ACAD10: variants seen among roughly 807,000 people sequenced by gnomAD.
The protein encoded by ACAD10 is ACAD-10.
ACAD10 carries 112 observed loss-of-function variants against 116.8 expected under a neutral mutation model. The ratio of observed to expected loss-of-function variants is 0.96; its 90% CI spans 0.82 to 1.12. ACAD10 has a LOEUF of 1.12. ACAD10 is among the 50% of genes most tolerant of loss of function. The pLI is 0.00. For missense variants in ACAD10, 1,259 were observed against 1,350.2 expected (o/e 0.93, Z 1.06); for synonymous variants, 486 against 510.6 (o/e 0.95, Z 0.65).
chr12:111,690,707 C>T (rs953601341), intron 1 of ACAD10, among the ~76,000 whole-genome samples: 1 of 151,038 alleles, frequency 6.6e-6, no homozygotes, highest in African/African-American at 2.5e-5. Flanking sequence ...ATCACTTGAA[C>T]CTGGGAGGCA....
chr12:111,740,136 T>C (rs1889689133), intron 12 of ACAD10, among the ~76,000 whole-genome samples: 2 of 152,224 alleles, frequency 1.3e-5, no homozygotes, highest in South Asian at 4.1e-4. Context: ...AGGCTTGTTA[T>C]TCTCTCCTCT....
Position 111,742,676 on chromosome 12 carries a change from G to A in ACAD10, c.1715-1967G>A, listed in dbSNP as rs534412680. Among the ~76,000 whole-genome samples the A allele has an allele frequency of 3.3e-5, 5 of 152,208 alleles. No individual in the cohort carries two copies. In the East Asian group the frequency reaches 7.7e-4, roughly 23 times the overall value. ...GAAGTTCGAGACCAGTTTGGGCAAC[G>A]TAGTAAGGCCCCATCTCTTATTTAA... On this transcript the variant is annotated intron_variant, in intron 12 of 20. Transcript: ENST00000313698.
At chr12:111,746,330 T>C in intron 14 of ACAD10, 46 bp downstream of exon 14, 1 of 1,580,650 alleles carries the variant, frequency 6.3e-7, no homozygotes, top group South Asian at 1.2e-5. Context: ...CATCCTGATC[T>C]TCATAAGAAC....
chr12:111,687,451 C>T (rs979381064), intron 1 of ACAD10, among the ~76,000 whole-genome samples: 1 of 152,106 alleles, frequency 6.6e-6, no homozygotes, highest in Non-Finnish European at 1.5e-5. Context: ...CACCTCTCCC[C>T]AGGTGGTGAC....
Position 111,728,104 on chromosome 12 carries a change from G to A in ACAD10, c.1204G>A (p.Asp402Asn), listed in dbSNP as rs747460658. 1 of 1,613,000 alleles carries A rather than the reference G, an allele frequency of 6.2e-7. No homozygotes were observed. Among genetic ancestry groups the A allele is most frequent in the South Asian group, 1.1e-5 (1 of 90,852 alleles). The change falls in exon 9 of 21, where the codon GAT becomes AAT. Residue 402 changes from aspartate (D) to asparagine (N), a missense_variant. Physicochemically the swap from Asp to Asn is conservative, Grantham distance 23 (BLOSUM62 1). Coordinates refer to ENST00000313698, the MANE Select transcript of ACAD10 (RefSeq NM_025247.6). ...NTVLCKIHSVDLQAVGLEDYG... is the reference protein window; with the variant it reads ...NTVLCKIHSVNLQAVGLEDYG... ...AGTCCTGTGCAAAATTCACAGTGTG[G>A]ATCTGCAGGCTGTGGGACTTGAAGA...
chr12:111,714,722 T>C (rs185011502), intron 6 of ACAD10, among the ~76,000 whole-genome samples: 1 of 151,696 alleles, frequency 6.6e-6, no homozygotes, highest in African/African-American at 2.4e-5. Context: ...TTAAATTAAA[T>C]TTTTTTTGAG....
chr12:111,745,586 C>CT (rs1394154041), intron 13 of ACAD10: 24 of 157,504 alleles, frequency 1.5e-4, no homozygotes, highest in South Asian at 1.4e-3. Context: ...CTTTTTTTCT[C>CT]TTTTTTTTTG....
chr12:111,695,328 G>C (rs1888164683), intron 2 of ACAD10, among the ~76,000 whole-genome samples: 1 of 152,162 alleles, frequency 6.6e-6, no homozygotes, highest in Admixed American at 6.6e-5. Context: ...GCAATGACTG[G>C]AATCTTTTGA....
chr12:111,745,399 A>C, intron 13 of ACAD10: 6 of 320,152 alleles, frequency 1.9e-5, no homozygotes, highest in East Asian at 5.0e-5. Context: ...AACCCGTAAT[A>C]TCACAGCTAG....
At chr12:111,755,637 C>A in intron 19 of ACAD10, 31 bp from the exon 20 acceptor site, 2 of 1,598,072 alleles carry the variant, frequency 1.3e-6, no homozygotes, top group South Asian at 1.1e-5. Context: ...GCCCTCGGGT[C>A]TTTTATGATC....
In ACAD10 at chr12:111,701,216, T is replaced by C. The variant is rs527915146; in HGVS notation, c.188-946T>C. 1.5e-4 allele frequency among the ~76,000 whole-genome samples: 23 copies of C among 152,328 alleles called. No homozygotes were observed. In the East Asian group the frequency reaches 3.5e-3, roughly 23 times the overall value. On this transcript the variant is annotated intron_variant, in intron 2 of 20. Coordinates refer to ENST00000313698, the MANE Select transcript of ACAD10 (RefSeq NM_025247.6). ...GTCTTAGATATATAATTATGAATGT[T>C]GTATGTATATATTTGCCCCCAGCAT...
chr12:111,709,209 C>A (rs111514022), intron 4 of ACAD10, among the ~76,000 whole-genome samples: 1 of 152,106 alleles, frequency 6.6e-6, no homozygotes, highest in African/African-American at 2.4e-5. Context: ...AAGATAGGTA[C>A]GATGACTATT....
chr12:111,715,152 T>A (rs1435889691), intron 6 of ACAD10, among the ~76,000 whole-genome samples: 3 of 152,390 alleles, frequency 2.0e-5, no homozygotes, highest in Middle Eastern at 3.4e-3. Context: ...AGGCGCCCAC[T>A]CTGGCCAGCC....
At chr12:111,749,763 C>CA (rs1274199967) in intron 18 of ACAD10, 114 of 102,728 alleles carry the variant, frequency 1.1e-3, no homozygotes, top group Admixed American at 1.3e-3. Flanking sequence ...TCAGTCTCTA[C>CA]AAAAAAAAAA....
intron 18 of ACAD10, chr12:111,752,652 C>G (rs1890106786): frequency 6.6e-6 from 1 of 151,758 alleles, no homozygotes; most frequent in African/African-American, 2.4e-5. Flanking sequence ...GAGTGTGGCT[C>G]CCGTTTTTGG....
intron 5 of ACAD10, chr12:111,709,912 G>A: frequency 1.9e-6 from 1 of 514,188 alleles, no homozygotes; most frequent in Admixed American, 3.7e-5. Flanking sequence ...AAAAGAGATG[G>A]GAAAGGAGGT....
At chr12:111,750,428 A>C (rs1021837851) in intron 18 of ACAD10, among the ~76,000 whole-genome samples, 2 of 152,066 alleles carry the variant, frequency 1.3e-5, no homozygotes, top group East Asian at 3.9e-4. Flanking sequence ...CCAAAAAGAA[A>C]AAGTTTTAAG....
rs774588291 is a variant in ACAD10 at position 111,749,343 on chromosome 12, C to T, written c.2815C>T (p.Arg939Cys). The T allele has an allele frequency of 4.3e-6, 7 of 1,611,410 alleles. No homozygotes were observed. Among genetic ancestry groups the T allele is most frequent in the South Asian group, 2.2e-5 (2 of 91,040 alleles). The change falls in exon 18 of 21, where the codon CGC (arginine) becomes TGC (cysteine). Residue 939 changes from arginine to cysteine, a missense_variant and splice_region_variant. Coordinates refer to ENST00000313698, the MANE Select transcript of ACAD10 (RefSeq NM_025247.6). ...SERALALMKARVKSRLAFGKP... is the reference protein window; with the variant it reads ...SERALALMKACVKSRLAFGKP... ...GAGGGCCCTGGCACTCATGAAGGCC[C>T]GCGTGAGTGCTTTCCCCCGCACCCA...
At chr12:111,747,494 G>A in intron 16 of ACAD10, 109 bp downstream of exon 16, 2 of 1,563,244 alleles carry the variant, frequency 1.3e-6, no homozygotes, top group South Asian at 2.4e-5. Context: ...TGACACAAAG[G>A]AGATTCTGTC....
Sources: gnomAD v4.1 joint callset for allele counts (sites outside exome capture counted in the v4.1 genomes callset) on GRCh38, gnomAD v4.1.1 for gene constraint, MANE v1.5 for transcripts, NCBI Gene and HGNC (gene_info 2026-07-23, HGNC 2026-07-21) for gene names.